Variants in SCG3 observed in about 807,000 individuals in gnomAD.
SCG3 encodes secretogranin III.
SCG3 carries 38 observed loss-of-function variants against 56.2 expected under a neutral mutation model. The observed-to-expected ratio is 0.68, with a 90% CI of 0.52 to 0.89. The LOEUF (loss-of-function observed/expected upper bound fraction) is 0.89. Ranked by LOEUF, SCG3 falls within the 40% of genes least tolerant of loss-of-function variation. SCG3 has a pLI of 0.00. For missense variants in SCG3, 524 were observed against 540.7 expected (o/e 0.97, Z 0.31); for synonymous variants, 176 against 184.2 (o/e 0.96, Z 0.36).
intron 10 of SCG3, among the ~76,000 whole-genome samples, chr15:51,704,276 T>TATATATAA (rs2055359354): frequency 1.5e-5 from 2 of 133,158 alleles, no homozygotes; most frequent in South Asian, 4.7e-4. Context: ...TATATATATA[T>TATATATAA]ATAAAATAGC....
intron 10 of SCG3, among the ~76,000 whole-genome samples, 175 bp downstream of exon 10, chr15:51,701,419 T>A (rs543981685): frequency 6.6e-6 from 1 of 152,326 alleles, no homozygotes; most frequent in African/African-American, 2.4e-5. Context: ...TTTTTAATGG[T>A]CTTGAGTCTC....
chr15:51,688,190 A>G (rs1044527189), intron 4 of SCG3, 70 bp from the exon 5 acceptor site: 12 of 1,393,838 alleles, frequency 8.6e-6, no homozygotes, highest in Non-Finnish European at 1.2e-5. Context: ...AGTACAGATT[A>G]TAAGTATAAT....
chr15:51,709,682 TATATATATATATATATATA>T (rs1196719090), intron 10 of SCG3, among the ~76,000 whole-genome samples: 12 of 13,394 alleles, frequency 9.0e-4, no homozygotes, highest in Admixed American at 1.5e-3. Flanking sequence ...TATATATATA[TATATATATATATATATATA>T]TTTTTTTTTT....
In SCG3 at chr15:51,718,179, T is replaced by TGGAA. The variant is rs1300762558; in HGVS notation, c.1289-1226_1289-1225insAGGA. Among the ~76,000 whole-genome samples the TGGAA allele has an allele frequency of 2.3e-3, 316 of 138,520 alleles. 4 individuals carry two copies. The highest frequency in any genetic ancestry group is 8.6e-3 in the African/African-American group (310 of 36,028). The allele number at this position is 138,520 out of a possible 152,430, so 90.9% of individuals were successfully genotyped here. ...CCTATATAGATAGTTAGATGATGGA[T>TGGAA]GGATGGATAGATAGATAGATAGACA... On this transcript the variant is annotated intron_variant, in intron 11 of 11. Coordinates refer to ENST00000220478, the MANE Select transcript of SCG3 (RefSeq NM_013243.4).
intron 11 of SCG3, among the ~76,000 whole-genome samples, chr15:51,716,118 A>C (rs2055453958): frequency 6.6e-6 from 1 of 152,130 alleles, no homozygotes; most frequent in African/African-American, 2.4e-5. Context: ...CGGCCTCCCA[A>C]AGTGTTGGGA....
chr15:51,701,513 T>C (rs1417855928), intron 10 of SCG3, among the ~76,000 whole-genome samples: 1 of 152,224 alleles, frequency 6.6e-6, no homozygotes, highest in Non-Finnish European at 1.5e-5. Flanking sequence ...TGTATGACCA[T>C]TAGTGCATTG....
intron 7 of SCG3, among the ~76,000 whole-genome samples, chr15:51,695,222 C>T (rs1349060542): frequency 6.6e-6 from 1 of 152,000 alleles, no homozygotes; most frequent in Admixed American, 6.5e-5. Context: ...GTTCAAAAAT[C>T]AATTTTGTAT....
chr15:51,689,777 A>G (rs1775224277), intron 6 of SCG3, among the ~76,000 whole-genome samples: 1 of 152,000 alleles, frequency 6.6e-6, no homozygotes, highest in Admixed American at 6.6e-5. Context: ...ACAGAGTGAG[A>G]CCCTGTCTCA....
intron 10 of SCG3, among the ~76,000 whole-genome samples, chr15:51,712,751 A>C (rs974976325): frequency 3.3e-5 from 5 of 152,136 alleles, no homozygotes; most frequent in Admixed American, 2.0e-4. Flanking sequence ...GGGGAGTTTT[A>C]TTAGAGCCAG....
rs747517322 is a variant in SCG3 at position 51,692,148 on chromosome 15, C to T, written c.691-11C>T. 6.3e-7 allele frequency: 1 copy of T among 1,575,766 alleles called. No individual in the cohort carries two copies. The highest frequency in any genetic ancestry group is 1.2e-5 in the South Asian group (1 of 85,350). ...AAATGTTCATTTTTTATTGATTTTT[C>T]CCCACTGGAGACTCCAATGGCAGCA... is the stretch of plus-strand genomic sequence containing the variant. On this transcript the variant is annotated splice_polypyrimidine_tract_variant and intron_variant, in intron 6 of 11. Transcript: ENST00000220478.
At chr15:51,698,549 A>C (rs1240259591) in intron 8 of SCG3, among the ~76,000 whole-genome samples, 2 of 152,202 alleles carry the variant, frequency 1.3e-5, no homozygotes, top group Non-Finnish European at 2.9e-5. Flanking sequence ...ACAGAAATCA[A>C]ACTGTTTGGC....
At chr15:51,712,799 T>A (rs2055429087) in intron 10 of SCG3, among the ~76,000 whole-genome samples, 1 of 152,230 alleles carries the variant, frequency 6.6e-6, no homozygotes, top group Non-Finnish European at 1.5e-5. Flanking sequence ...AGTGAGGCAC[T>A]GGTCGCCTCT....
intron 11 of SCG3, among the ~76,000 whole-genome samples, chr15:51,713,903 A>T (rs2055437109): frequency 6.6e-6 from 1 of 152,224 alleles, no homozygotes; most frequent in Admixed American, 6.5e-5. Context: ...GCACAGCGTC[A>T]TTAGAGCTAT....
At chr15:51,695,846 G>T (rs773430971) in intron 7 of SCG3, 29 bp from the exon 8 acceptor site, 9 of 1,233,926 alleles carry the variant, frequency 7.3e-6, no homozygotes, top group Admixed American at 5.4e-5. Context: ...ATCCCCCACA[G>T]TTTTAAGTTA....
intron 10 of SCG3, among the ~76,000 whole-genome samples, chr15:51,707,165 A>G (rs1002752488): frequency 3.3e-5 from 5 of 152,176 alleles, no homozygotes; most frequent in Non-Finnish European, 7.3e-5. Flanking sequence ...TCTAACACCC[A>G]TAAACTCATT....
At chr15:51,703,455 C>T (rs1371411112) in intron 10 of SCG3, among the ~76,000 whole-genome samples, 2 of 152,188 alleles carry the variant, frequency 1.3e-5, no homozygotes, top group African/African-American at 4.8e-5. Flanking sequence ...TTTCAGTTGT[C>T]GTTGTTGGTG....
At chr15:51,705,453 G>A (rs970158944) in intron 10 of SCG3, among the ~76,000 whole-genome samples, 1 of 152,104 alleles carries the variant, frequency 6.6e-6, no homozygotes, top group Non-Finnish European at 1.5e-5. Flanking sequence ...TCTTCATTAG[G>A]ATTTCCATCA....
rs1360958837 is a variant in SCG3 at position 51,683,446 on chromosome 15, A to C, written c.397+12A>C. On this transcript the variant is annotated intron_variant, in intron 4 of 11. Transcript: ENST00000220478. ...TCATAAATTTCAAGGTAAATGAGAA[A>C]AAAAGAACTTTTTGTTAACGTGGAG... 1 of 1,560,534 alleles carries C rather than the reference A, an allele frequency of 6.4e-7. No individual in the cohort carries two copies. The highest frequency in any genetic ancestry group is 1.2e-5 in the South Asian group (1 of 83,502).
At chr15:51,687,072 C>T (rs1015229219) in intron 4 of SCG3, among the ~76,000 whole-genome samples, 2 of 152,120 alleles carry the variant, frequency 1.3e-5, no homozygotes, top group Admixed American at 6.5e-5. Context: ...AGAATCTGGC[C>T]GGAGATTCAA....
Sources: gnomAD v4.1 joint callset for allele counts (sites outside exome capture counted in the v4.1 genomes callset) on GRCh38, gnomAD v4.1.1 for gene constraint, MANE v1.5 for transcripts, NCBI Gene and HGNC (gene_info 2026-07-23, HGNC 2026-07-21) for gene names.